Variants in KAZN observed in about 807,000 individuals in gnomAD.
The protein encoded by KAZN is kazrin, periplakin interacting protein, also known as kazrin.
In KAZN, 40 loss-of-function variants were observed where a neutral mutation model predicts 87.4. That is an observed-to-expected ratio of 0.46 (90% confidence interval 0.36 to 0.60). KAZN has a LOEUF of 0.60. Among genes scored for constraint, KAZN ranks in the 20% least tolerant of loss-of-function variants. KAZN has a pLI of 0.00. For synonymous variants in KAZN, 466 were observed against 458.3 expected, an observed-to-expected ratio of 1.02 and a Z score of -0.22; for missense variants, 898 against 1,073.9, an observed-to-expected ratio of 0.84 and a Z score of 2.29.
At chr1:14,571,714 C>T (rs539703943) in intron 2 of KAZN, among the ~76,000 whole-genome samples, 2 of 152,224 alleles carry the variant, frequency 1.3e-5, no homozygotes, top group African/African-American at 2.4e-5. Flanking sequence ...TGTGAGACTC[C>T]GGGCCAGGGT....
At chr1:13,895,996 T>TA (rs1639027556) in intron 1 of KAZN, among the ~76,000 whole-genome samples, 2 of 152,012 alleles carry the variant, frequency 1.3e-5, no homozygotes, top group African/African-American at 4.8e-5. Context: ...TCATAATTTT[T>TA]TTTTTTATTT....
chr1:13,896,404 C>G (rs1477222140), intron 1 of KAZN, among the ~76,000 whole-genome samples: 3 of 152,192 alleles, frequency 2.0e-5, no homozygotes, highest in Non-Finnish European at 4.4e-5. Flanking sequence ...ATCCTCCCAT[C>G]TCAGTCTCTC....
chr1:14,420,531 G>T (rs1255838581), intron 2 of KAZN, among the ~76,000 whole-genome samples: 2 of 152,198 alleles, frequency 1.3e-5, no homozygotes, highest in African/African-American at 4.8e-5. Flanking sequence ...CAGTCAGTGG[G>T]ACCAGGTGCC....
chr1:14,675,385 G>A (rs767861542), intron 1 of KAZN, among the ~76,000 whole-genome samples: 9 of 152,218 alleles, frequency 5.9e-5, no homozygotes, highest in African/African-American at 9.6e-5. Context: ...GAGCTCCAGG[G>A]CACTTGGGGG....
intron 2 of KAZN, among the ~76,000 whole-genome samples, chr1:14,515,380 A>G (rs1385009411): frequency 1.3e-5 from 2 of 152,216 alleles, no homozygotes; most frequent in Non-Finnish European, 2.9e-5. Context: ...GATACTTGCG[A>G]GGCAGTGTGA....
chr1:14,347,599 C>G (rs1658198489), intron 2 of KAZN, among the ~76,000 whole-genome samples: 1 of 152,120 alleles, frequency 6.6e-6, no homozygotes, highest in African/African-American at 2.4e-5. Flanking sequence ...ACCACAGAAC[C>G]CTGGCTGCTT....
chr1:14,444,642 G>A (rs1024522939), intron 2 of KAZN, among the ~76,000 whole-genome samples: 1 of 151,988 alleles, frequency 6.6e-6, no homozygotes, highest in South Asian at 2.1e-4. Context: ...ATTGGTGCTC[G>A]CTTCAATTCA....
intron 2 of KAZN, among the ~76,000 whole-genome samples, chr1:14,388,435 A>G (rs1470326758): frequency 2.0e-5 from 3 of 152,252 alleles, no homozygotes; most frequent in African/African-American, 7.2e-5. Flanking sequence ...TGGAGGAATC[A>G]CATTACTTGA....
At chr1:14,518,279 C>T (rs558698693) in intron 2 of KAZN, among the ~76,000 whole-genome samples, 35 of 146,708 alleles carry the variant, frequency 2.4e-4, no homozygotes, top group Admixed American at 7.8e-4. Context: ...CAGGTTCAAG[C>T]GATTCTCCTG....
chr1:14,738,798 G>A (rs1643995793), intron 1 of KAZN, among the ~76,000 whole-genome samples: 2 of 152,234 alleles, frequency 1.3e-5, no homozygotes, highest in East Asian at 1.9e-4. Flanking sequence ...CATTTTACAG[G>A]ACAGGAAACT....
At chr1:14,903,950 C>A (rs1656208566) in intron 1 of KAZN, among the ~76,000 whole-genome samples, 1 of 152,204 alleles carries the variant, frequency 6.6e-6, no homozygotes, top group African/African-American at 2.4e-5. Context: ...GAAGGCCAGA[C>A]AGCGAGGGCA....
chr1:15,105,233 T>C (rs1480350909), intron 13 of KAZN, among the ~76,000 whole-genome samples: 1 of 152,222 alleles, frequency 6.6e-6, no homozygotes, highest in Non-Finnish European at 1.5e-5. Context: ...CTTGGAAGGA[T>C]TGGTGTTTGT....
chr1:14,114,677 A>T (rs565674967), intron 1 of KAZN, among the ~76,000 whole-genome samples: 60 of 152,330 alleles, frequency 3.9e-4, no homozygotes, highest in Admixed American at 1.8e-3. Flanking sequence ...AGGTTGGAAA[A>T]CTGATTAGAT....
intron 1 of KAZN, among the ~76,000 whole-genome samples, chr1:14,849,952 T>G (rs1649247216): frequency 1.3e-5 from 2 of 151,502 alleles, no homozygotes; most frequent in Non-Finnish European, 2.9e-5. Context: ...TTTTTTTTTT[T>G]GAAACAGAGT....
rs57657728 is a variant in KAZN, at chr1:14,149,104, CTTTT to C, written c.92-31317_92-31314del. Reference sequence around the variant, plus strand: ...CTTCCTTCCTTCCTTTCTTTCTTTCCTTTTTTTTTTTTTTTTTGACAGAGTCTTG... The same window carrying C: ...CTTCCTTCCTTCCTTTCTTTCTTTCCTTTTTTTTTTTTTGACAGAGTCTTG... On this transcript the variant is annotated intron_variant, in intron 1 of 16. Coordinates refer to the KAZN transcript ENST00000636203. Among the ~76,000 whole-genome samples the C allele has an allele frequency of 2.8e-3, 197 of 69,584 alleles. 2 individuals are homozygous for C. Among genetic ancestry groups the C allele is most frequent in the African/African-American group, 0.01 (182 of 18,142 alleles). 45.6% of individuals were successfully genotyped at this position (69,584 alleles called of 152,430 possible).
rs1290154148 is a variant in KAZN at position 14,328,596 on chromosome 1, G to A, written c.249+148004G>A. On this transcript the variant is annotated intron_variant, in intron 2 of 16. Coordinates refer to the KAZN transcript ENST00000636203. ...TGAGCGCCCGTAGTCCCAGCTACTC[G>A]GGAGGCTGAGGCAGGAGAATGGTGT... 5.3e-5 allele frequency among the ~76,000 whole-genome samples: 8 copies of A among 151,864 alleles called. No individual in the cohort carries two copies. In the East Asian group the frequency reaches 5.8e-4, roughly 11 times the overall value.
chr1:14,757,698 C>G (rs535967196), intron 1 of KAZN, among the ~76,000 whole-genome samples: 1 of 152,164 alleles, frequency 6.6e-6, no homozygotes, highest in Non-Finnish European at 1.5e-5. Context: ...TCGCAGTAGT[C>G]CCCTGGCACT....
chr1:14,184,111 A>T lies in KAZN; in HGVS notation c.249+3519A>T, dbSNP rs1410304731. 6.6e-6 allele frequency among the ~76,000 whole-genome samples: 1 copy of T among 152,172 alleles called. No homozygotes were observed. The highest frequency in any genetic ancestry group is 1.5e-5 in the Non-Finnish European group (1 of 68,030). ...AACTGTCATCTCTAAACAAATCTCG[A>T]ACAAAGTCCATCGTTAGGCGGAAAA... On this transcript the variant is annotated intron_variant, in intron 2 of 16. Transcript: ENST00000636203. The surrounding 1 kb of genome is among the most constrained non-coding windows in gnomAD (Gnocchi z 4.2).
At chr1:14,075,677 C>T (rs963648466) in intron 1 of KAZN, among the ~76,000 whole-genome samples, 2 of 152,086 alleles carry the variant, frequency 1.3e-5, no homozygotes, top group Admixed American at 6.5e-5. Flanking sequence ...TGCTCTTTCC[C>T]GGGGAAAATC....
Sources: allele counts gnomAD v4.1 joint callset (sites outside exome capture counted in the v4.1 genomes callset), GRCh38; gene constraint gnomAD v4.1.1; non-coding constraint Gnocchi (gnomAD v3.1); transcripts MANE v1.5; gene names NCBI Gene and HGNC (gene_info 2026-07-23, HGNC 2026-07-21).